Variants in DLC1 observed in about 807,000 individuals in gnomAD.
DLC1 encodes the protein DLC1 Rho GTPase activating protein.
In DLC1, 54 loss-of-function variants were observed where a neutral mutation model predicts 140.3. The ratio of observed to expected loss-of-function variants is 0.38; its 90% CI spans 0.31 to 0.48. DLC1 has a LOEUF of 0.48. Among genes scored for constraint, DLC1 ranks in the 20% least tolerant of loss-of-function variants. The pLI, the probability that DLC1 is intolerant of heterozygous loss-of-function variation, is 0.96. For synonymous variants in DLC1, 986 were observed against 728.1 expected (o/e 1.35, Z -5.70); for missense variants, 2,536 against 1,907.0 (o/e 1.33, Z -6.14).
At chr8:13,227,043 G>A (rs904522717) in intron 5 of DLC1, among the ~76,000 whole-genome samples, 1 of 152,134 alleles carries the variant, frequency 6.6e-6, no homozygotes, top group Non-Finnish European at 1.5e-5. Context: ...GTATGGTATA[G>A]GGGGCGGGGG....
intron 3 of DLC1, among the ~76,000 whole-genome samples, chr8:13,399,951 T>C (rs1837221229): frequency 6.6e-6 from 1 of 152,156 alleles, no homozygotes; most frequent in Admixed American, 6.5e-5. Context: ...CAGTTTGTCC[T>C]CTGTATCTGG....
intron 2 of DLC1, among the ~76,000 whole-genome samples, chr8:13,403,121 T>G (rs1404411779): frequency 6.6e-6 from 1 of 152,232 alleles, no homozygotes; most frequent in African/African-American, 2.4e-5. Context: ...GTTAAGAATT[T>G]TTTGAGGTAT....
chr8:13,555,613 T>C (rs1045737813), intron 1 of DLC1, among the ~76,000 whole-genome samples: 14 of 151,968 alleles, frequency 9.2e-5, no homozygotes, highest in African/African-American at 3.4e-4. Context: ...TGCCTCTGCC[T>C]CCCAAGTAGC....
upstream of DLC1, among the ~76,000 whole-genome samples, chr8:13,515,228 A>G (rs559217876): frequency 6.6e-6 from 1 of 152,364 alleles, no homozygotes; most frequent in South Asian, 2.1e-4. Context: ...CTTTTAAGAG[A>G]GCAAGATGAA....
chr8:13,330,204 G>A (rs776625041), intron 4 of DLC1, among the ~76,000 whole-genome samples: 5 of 151,888 alleles, frequency 3.3e-5, no homozygotes, highest in African/African-American at 4.8e-5. Context: ...CCCCTTTCTC[G>A]GCCTCCCAAA....
Position 13,454,106 on chromosome 8 carries a change from G to A in DLC1, c.1023+44943C>T, listed in dbSNP as rs1355177372. Among the ~76,000 whole-genome samples the A allele has an allele frequency of 2.0e-5, 3 of 152,100 alleles. 1 individual carries two copies. The highest frequency in any genetic ancestry group is 2.0e-4 in the Admixed American group (3 of 15,272). On this transcript the variant is annotated intron_variant, in intron 2 of 17. Coordinates refer to ENST00000276297, the MANE Select transcript of DLC1 (RefSeq NM_182643.3). ...AAAGAAAAAGAGTGTAGTTAAAAAG[G>A]CCAGAATTATTTTTTGGACTACGTG...
intron 5 of DLC1, among the ~76,000 whole-genome samples, chr8:13,158,050 T>G (rs1048537057): frequency 6.6e-6 from 1 of 152,206 alleles, no homozygotes; most frequent in African/African-American, 2.4e-5. Context: ...TTGTTTAAAG[T>G]TTTAAAGCCT....
chr8:13,095,054 T>G (rs573082775), intron 11 of DLC1, 32 bp downstream of exon 11: 1 of 1,613,744 alleles, frequency 6.2e-7, no homozygotes, highest in South Asian at 1.1e-5. Flanking sequence ...CGAGCTCCCC[T>G]GAGTACGTGG....
intron 2 of DLC1, among the ~76,000 whole-genome samples, chr8:13,419,954 G>T (rs994402766): frequency 1.3e-5 from 2 of 152,270 alleles, no homozygotes; most frequent in East Asian, 1.9e-4. Flanking sequence ...GAGTGTATGT[G>T]TCGAGGAATT....
At chr8:13,119,652 T>C (rs184360203) in intron 5 of DLC1, among the ~76,000 whole-genome samples, 7 of 152,262 alleles carry the variant, frequency 4.6e-5, no homozygotes, top group Admixed American at 3.3e-4. Context: ...CACCTCTCCT[T>C]AAAAATGAGC....
intron 6 of DLC1, among the ~76,000 whole-genome samples, chr8:13,115,315 T>G (rs184679327): frequency 6.6e-6 from 1 of 152,148 alleles, no homozygotes; most frequent in Admixed American, 6.5e-5. Flanking sequence ...AGTAGAATTA[T>G]ACAAAAAGAA....
intron 1 of DLC1, chr8:13,559,351 T>C (rs1321805897): frequency 6.6e-6 from 1 of 152,238 alleles, no homozygotes; most frequent in Non-Finnish European, 1.5e-5. Flanking sequence ...CAGTCTTGCA[T>C]TCTTCAGTGA....
intron 5 of DLC1, among the ~76,000 whole-genome samples, chr8:13,176,716 T>C (rs1203819839): frequency 6.6e-6 from 1 of 152,194 alleles, no homozygotes. Context: ...GGACATGTTA[T>C]GTTACACGGC....
chr8:13,560,588 T>A (rs553223674), intron 1 of DLC1, among the ~76,000 whole-genome samples: 1 of 152,318 alleles, frequency 6.6e-6, no homozygotes, highest in South Asian at 2.1e-4. Flanking sequence ...CTGGTTTTCA[T>A]ACAAACTACA....
At chr8:13,401,673 A>G in intron 2 of DLC1, 54 bp from the exon 3 acceptor site, 1 of 1,575,196 alleles carries the variant, frequency 6.3e-7, no homozygotes, top group Non-Finnish European at 8.6e-7. Context: ...CTTAATAAGA[A>G]TAAAAAGTTC....
At chr8:13,551,282 TCA>T (rs947003216) in intron 1 of DLC1, among the ~76,000 whole-genome samples, 13 of 152,182 alleles carry the variant, frequency 8.5e-5, no homozygotes, top group African/African-American at 3.1e-4. Context: ...TTGTTCTAAA[TCA>T]CAGTCTTCAG....
At chr8:13,168,197 G>C (rs1825229567) in intron 5 of DLC1, among the ~76,000 whole-genome samples, 3 of 152,272 alleles carry the variant, frequency 2.0e-5, no homozygotes, top group South Asian at 4.2e-4. Flanking sequence ...CTTTGACTGA[G>C]TGAAGAAGAC....
intron 2 of DLC1, among the ~76,000 whole-genome samples, chr8:13,498,342 G>T (rs2117196057): frequency 1.3e-5 from 2 of 152,310 alleles, no homozygotes; most frequent in East Asian, 3.9e-4. Flanking sequence ...CTTAGCCCTT[G>T]CTTCTCTCAC....
chr8:13,281,778 C>A (rs2117426961), intron 5 of DLC1, among the ~76,000 whole-genome samples: 1 of 152,304 alleles, frequency 6.6e-6, no homozygotes, highest in South Asian at 2.1e-4. Flanking sequence ...GAGAGAAGGA[C>A]TTCCTTTTCT....
Sources: allele counts gnomAD v4.1 joint callset (sites outside exome capture counted in the v4.1 genomes callset), GRCh38; gene constraint gnomAD v4.1.1; transcripts MANE v1.5; gene names NCBI Gene and HGNC (gene_info 2026-07-23, HGNC 2026-07-21).